Variants in TCF7L2 observed in about 807,000 individuals in gnomAD.
The protein encoded by TCF7L2 is transcription factor 7-like 2.
TCF7L2 carries 23 observed loss-of-function variants against 77.9 expected under a neutral mutation model. The ratio of observed to expected loss-of-function variants is 0.30; its 90% CI spans 0.21 to 0.42. TCF7L2 has a LOEUF of 0.42. Ranked by LOEUF, TCF7L2 falls within the 10% of genes least tolerant of loss-of-function variation. The probability of loss-of-function intolerance (pLI) is 1.00; values close to 1 mark genes in which losing one functional copy is unlikely to be tolerated. For synonymous variants in TCF7L2, 413 were observed against 340.2 expected, an observed-to-expected ratio of 1.21 and a Z score of -2.36; for missense variants, 654 against 793.1, an observed-to-expected ratio of 0.82 and a Z score of 2.11.
At chr10:113,046,989 T>G (rs1231780723) in intron 5 of TCF7L2, among the ~76,000 whole-genome samples, 1 of 152,202 alleles carries the variant, frequency 6.6e-6, no homozygotes. Flanking sequence ...CCCATGTCAT[T>G]AAAATGCTTA....
chr10:113,124,124 T>A (rs1444107784), intron 5 of TCF7L2, among the ~76,000 whole-genome samples: 2 of 152,168 alleles, frequency 1.3e-5, no homozygotes, highest in Non-Finnish European at 2.9e-5. Context: ...AAGGCTCTTT[T>A]TTTGGGCAAA....
intron 4 of TCF7L2, among the ~76,000 whole-genome samples, chr10:113,003,416 T>C (rs574990021): frequency 6.6e-6 from 1 of 152,316 alleles, no homozygotes; most frequent in Non-Finnish European, 1.5e-5. Flanking sequence ...CCCCAGAGCC[T>C]CAGCATGGCT....
At chr10:113,075,478 G>A (rs28488889) in intron 5 of TCF7L2, among the ~76,000 whole-genome samples, 2 of 109,966 alleles carry the variant, frequency 1.8e-5, no homozygotes, top group African/African-American at 6.9e-5. Flanking sequence ...AAAGAAAAAA[G>A]AAAAAAAGAG....
intron 5 of TCF7L2, among the ~76,000 whole-genome samples, chr10:113,061,059 G>A (rs2056362237): frequency 6.6e-6 from 1 of 152,166 alleles, no homozygotes; most frequent in African/African-American, 2.4e-5. Context: ...CTTGATGTGT[G>A]CGTTTACCCT....
chr10:112,958,681 T>A (rs2034306703), intron 3 of TCF7L2, among the ~76,000 whole-genome samples: 1 of 152,170 alleles, frequency 6.6e-6, no homozygotes, highest in Non-Finnish European at 1.5e-5. Flanking sequence ...TATGATGTAC[T>A]AAAATATATT....
At chr10:113,054,558 C>CT (rs933914343) in intron 5 of TCF7L2, among the ~76,000 whole-genome samples, 11 of 152,144 alleles carry the variant, frequency 7.2e-5, no homozygotes, top group South Asian at 6.2e-4. Flanking sequence ...TGCTTTCTAG[C>CT]TTTTTTTAAA....
At chr10:113,016,212 G>A (rs950527513) in intron 4 of TCF7L2, among the ~76,000 whole-genome samples, 3 of 152,070 alleles carry the variant, frequency 2.0e-5, no homozygotes, top group Non-Finnish European at 4.4e-5. Flanking sequence ...TTACAGGCAC[G>A]TGCTACCATG....
chr10:112,970,558 C>T (rs1042866430), intron 4 of TCF7L2, among the ~76,000 whole-genome samples: 4 of 151,862 alleles, frequency 2.6e-5, no homozygotes, highest in Non-Finnish European at 5.9e-5. Context: ...TCCTGGGGTG[C>T]GTTGACACAG....
At chr10:112,992,301 C>T (rs944280198) in intron 4 of TCF7L2, among the ~76,000 whole-genome samples, 5 of 152,190 alleles carry the variant, frequency 3.3e-5, no homozygotes, top group South Asian at 4.1e-4. Context: ...GAATGTGCGT[C>T]GGTAGCATAG....
chr10:113,105,198 C>T (rs952757942), intron 5 of TCF7L2, among the ~76,000 whole-genome samples: 2 of 152,096 alleles, frequency 1.3e-5, no homozygotes, highest in Non-Finnish European at 2.9e-5. Context: ...ACTTCTGTGC[C>T]AGGCAGGGTT....
chr10:113,083,889 T>C (rs2135504522), intron 5 of TCF7L2, among the ~76,000 whole-genome samples: 1 of 152,344 alleles, frequency 6.6e-6, no homozygotes. Context: ...CCTTGAACTC[T>C]AGTCTTTAAA....
intron 5 of TCF7L2, among the ~76,000 whole-genome samples, chr10:113,105,870 A>G (rs1412575860): frequency 2.0e-5 from 3 of 152,184 alleles, no homozygotes; most frequent in Non-Finnish European, 2.9e-5. Context: ...GGCTCTGGCA[A>G]TTGATGTTTG....
At chr10:113,028,948 T>C (rs536038739) in intron 4 of TCF7L2, among the ~76,000 whole-genome samples, 5 of 152,334 alleles carry the variant, frequency 3.3e-5, no homozygotes, top group African/African-American at 1.2e-4. Context: ...ATTTCCATGG[T>C]AGACCTAAAA....
In TCF7L2 at chr10:112,950,609, G is replaced by T; in HGVS notation, c.-148G>T. ...TCTTTTCCCCTCCCCAGGAGAAAAA[G>T]ACCCCCAAGCAGAAAAAAGTTCACC... On this transcript the variant is annotated 5_prime_UTR_variant, in exon 1 of 14. Coordinates refer to ENST00000627217, the MANE Select transcript of TCF7L2 (RefSeq NM_001146274.2). 7.2e-6 allele frequency: 3 copies of T among 419,166 alleles called. No individual in the cohort carries two copies. The highest frequency in any genetic ancestry group is 5.8e-5 in the Admixed American group (1 of 17,354). 26.0% of individuals were successfully genotyped at this position (419,166 alleles called of 1,614,324 possible).
intron 4 of TCF7L2, among the ~76,000 whole-genome samples, chr10:113,002,316 A>G (rs1252733874): frequency 6.6e-6 from 1 of 152,120 alleles, no homozygotes; most frequent in African/African-American, 2.4e-5. Context: ...CAAGTTGTTT[A>G]GGTCGGCGGT....
chr10:113,165,060 C>T (rs1316658571), intron 13 of TCF7L2, among the ~76,000 whole-genome samples: 1 of 152,142 alleles, frequency 6.6e-6, no homozygotes. Context: ...CACACACACT[C>T]ACACTCACAC....
At chr10:113,055,559 G>A (rs2055234598) in intron 5 of TCF7L2, among the ~76,000 whole-genome samples, 1 of 152,104 alleles carries the variant, frequency 6.6e-6, no homozygotes, top group Admixed American at 6.5e-5. Flanking sequence ...TGCTTTAGAT[G>A]GGTTTTCATT....
chr10:113,078,924 C>T (rs1461010742), intron 5 of TCF7L2, among the ~76,000 whole-genome samples: 2 of 151,984 alleles, frequency 1.3e-5, no homozygotes, highest in African/African-American at 4.8e-5. Context: ...CCTCCGCCTC[C>T]TGGGTTCAAG....
chr10:113,091,386 C>T (rs1170069922), intron 5 of TCF7L2, among the ~76,000 whole-genome samples: 1 of 152,134 alleles, frequency 6.6e-6, no homozygotes, highest in Admixed American at 6.5e-5. Flanking sequence ...ACTTCATGTA[C>T]TAAAGTGGAA....
Sources: gnomAD v4.1 joint callset for allele counts (sites outside exome capture counted in the v4.1 genomes callset) on GRCh38, gnomAD v4.1.1 for gene constraint, MANE v1.5 for transcripts, NCBI Gene and HGNC (gene_info 2026-07-23, HGNC 2026-07-21) for gene names.